The following LRMDA variants were observed in gnomAD, a reference collection of about 807,000 sequenced individuals.
LRMDA encodes the protein leucine-rich melanocyte differentiation-associated protein.
A neutral mutation model predicts 29.8 loss-of-function variants in LRMDA; 18 were observed. That is an observed-to-expected ratio of 0.60 (90% CI 0.42 to 0.90). LRMDA has a LOEUF of 0.90. Ranked by LOEUF, LRMDA falls within the 40% of genes least tolerant of loss-of-function variation. The pLI is 0.00. For synonymous variants in LRMDA, 125 were observed against 109.4 expected (o/e 1.14, Z -0.89); for missense variants, 273 against 273.9 (o/e 1.00, Z 0.02).
intron 2 of LRMDA, among the ~76,000 whole-genome samples, chr10:75,927,577 T>C (rs1184490676): frequency 6.6e-6 from 1 of 152,222 alleles, no homozygotes; most frequent in East Asian, 1.9e-4. Flanking sequence ...GTCCAGAATT[T>C]AGGTGTTCGA....
chr10:76,098,235 C>T (rs1849343809), intron 5 of LRMDA, among the ~76,000 whole-genome samples: 1 of 152,110 alleles, frequency 6.6e-6, no homozygotes, highest in South Asian at 2.1e-4. Flanking sequence ...GTATTATTCT[C>T]TACTTATATG....
chr10:75,900,576 G>C (rs1013496891), intron 2 of LRMDA, among the ~76,000 whole-genome samples: 18 of 152,170 alleles, frequency 1.2e-4, no homozygotes, highest in Admixed American at 9.8e-4. Context: ...AGATTGATTT[G>C]GGCCACTTTC....
intron 2 of LRMDA, among the ~76,000 whole-genome samples, chr10:75,785,484 C>G (rs1843456695): frequency 6.6e-6 from 1 of 152,174 alleles, no homozygotes; most frequent in African/African-American, 2.4e-5. Flanking sequence ...GGCATGATGG[C>G]TATATTTGAG....
At chr10:75,573,775 A>C (rs1589189874) in intron 2 of LRMDA, among the ~76,000 whole-genome samples, 1 of 151,964 alleles carries the variant, frequency 6.6e-6, no homozygotes, top group Non-Finnish European at 1.5e-5. Context: ...TGTGGTTTAT[A>C]ATTTTTATTT....
intron 5 of LRMDA, among the ~76,000 whole-genome samples, chr10:76,115,382 G>C (rs776053938): frequency 3.9e-5 from 6 of 152,208 alleles, no homozygotes; most frequent in Non-Finnish European, 8.8e-5. Context: ...GTGGATTGGC[G>C]AGGCCAAGAG....
intron 2 of LRMDA, among the ~76,000 whole-genome samples, chr10:75,471,216 G>C (rs767382991): frequency 2.6e-5 from 4 of 152,002 alleles, no homozygotes; most frequent in Middle Eastern, 3.2e-3. Flanking sequence ...TTTCTGGCGG[G>C]GGGGTGGGGT....
At chr10:75,754,316 C>T (rs1274000217) in intron 2 of LRMDA, among the ~76,000 whole-genome samples, 1 of 152,112 alleles carries the variant, frequency 6.6e-6, no homozygotes, top group Non-Finnish European at 1.5e-5. Context: ...AGCCAGGATG[C>T]CATGTTGATA....
intron 5 of LRMDA, among the ~76,000 whole-genome samples, chr10:76,063,978 C>G (rs1848744149): frequency 6.6e-6 from 1 of 152,170 alleles, no homozygotes; most frequent in Non-Finnish European, 1.5e-5. Context: ...GTTTCTGTAT[C>G]TCTAGTACCT....
At chr10:76,514,954 A>C (rs1382683110) in intron 6 of LRMDA, among the ~76,000 whole-genome samples, 1 of 152,060 alleles carries the variant, frequency 6.6e-6, no homozygotes, top group Admixed American at 6.5e-5. Flanking sequence ...TGCCTATAAA[A>C]CTGCTAATAA....
intron 6 of LRMDA, among the ~76,000 whole-genome samples, chr10:76,342,701 A>C (rs143815582): frequency 3.9e-4 from 60 of 152,302 alleles, no homozygotes; most frequent in African/African-American, 1.2e-3. Context: ...AATAATCCTA[A>C]GAAGAAACTG....
chr10:76,140,211 T>C (rs1850173227), intron 5 of LRMDA, among the ~76,000 whole-genome samples: 1 of 152,118 alleles, frequency 6.6e-6, no homozygotes. Flanking sequence ...AGTTACCCTG[T>C]TAAAAGGGAA....
At chr10:76,483,210 T>A (rs1256456918) in intron 6 of LRMDA, among the ~76,000 whole-genome samples, 1 of 151,998 alleles carries the variant, frequency 6.6e-6, no homozygotes, top group Non-Finnish European at 1.5e-5. Flanking sequence ...TTAATTTTAA[T>A]GTAGCACAAT....
intron 2 of LRMDA, among the ~76,000 whole-genome samples, chr10:75,730,953 A>C (rs1842689405): frequency 6.6e-6 from 1 of 152,172 alleles, no homozygotes; most frequent in African/African-American, 2.4e-5. Context: ...ATTTATTTAC[A>C]CTGACAGCTT....
In LRMDA at chr10:76,092,601, G is replaced by A. The variant is rs573342136; in HGVS notation, c.516+33818G>A. On this transcript the variant is annotated intron_variant, in intron 5 of 6. Transcript: ENST00000611255. ...CAACCACATGCAACATCTGACAGAC[G>A]CTATGTGAATTACCATCTCAGGTGT... Among the ~76,000 whole-genome samples the A allele has an allele frequency of 1.6e-3, 247 of 152,306 alleles. 2 individuals carry two copies. The highest frequency in any genetic ancestry group is 5.9e-3 in the African/African-American group (244 of 41,560).
At chr10:76,326,069 A>G (rs530110801) in intron 6 of LRMDA, among the ~76,000 whole-genome samples, 1 of 152,192 alleles carries the variant, frequency 6.6e-6, no homozygotes, top group Non-Finnish European at 1.5e-5. Context: ...ACTGAAGAAA[A>G]TCCCTACACA....
At chr10:76,291,540 A>T (rs745777891) in intron 5 of LRMDA, among the ~76,000 whole-genome samples, 1 of 152,218 alleles carries the variant, frequency 6.6e-6, no homozygotes, top group African/African-American at 2.4e-5. Flanking sequence ...GGGATGTGAC[A>T]TATAAGCTCT....
chr10:75,452,574 A>ATTTTTT (rs1844473786), intron 2 of LRMDA, among the ~76,000 whole-genome samples: 1 of 27,264 alleles, frequency 3.7e-5, no homozygotes, highest in African/African-American at 1.4e-4. Flanking sequence ...TCAGGATATG[A>ATTTTTT]CTTTTTTTTT....
intron 2 of LRMDA, among the ~76,000 whole-genome samples, chr10:75,788,419 G>A (rs1355369772): frequency 6.6e-6 from 1 of 152,174 alleles, no homozygotes; most frequent in African/African-American, 2.4e-5. Flanking sequence ...GTTTTAAGCA[G>A]GAAGGAAGAA....
At chr10:76,202,735 C>T (rs2132234396) in intron 5 of LRMDA, among the ~76,000 whole-genome samples, 1 of 151,888 alleles carries the variant, frequency 6.6e-6, no homozygotes, top group South Asian at 2.1e-4. Flanking sequence ...GAGTTTAGCT[C>T]ATGGAAGGGG....
Sources: allele counts gnomAD v4.1 joint callset (sites outside exome capture counted in the v4.1 genomes callset), GRCh38; gene constraint gnomAD v4.1.1; transcripts MANE v1.5; gene names NCBI Gene and HGNC (gene_info 2026-07-23, HGNC 2026-07-21).